GIPC2: variants seen among roughly 807,000 people sequenced by gnomAD.
GIPC2 encodes the protein GIPC PDZ domain containing family member 2, also known as PDZ domain-containing protein GIPC2.
Under a neutral mutation model 30.6 loss-of-function variants are expected in GIPC2, and 30 were observed. The ratio of observed to expected loss-of-function variants is 0.98; its 90% CI spans 0.73 to 1.33. The LOEUF is 1.33. Among genes scored for constraint, GIPC2 ranks in the 40% most tolerant of loss-of-function variants. The probability of loss-of-function intolerance (pLI) is 0.00; values close to 1 mark genes in which losing one functional copy is unlikely to be tolerated. For missense variants in GIPC2, 414 were observed against 390.3 expected (o/e 1.06, Z -0.51); for synonymous variants, 167 against 150.0 (o/e 1.11, Z -0.83).
chr1:78,064,627 G>A (rs1661467481), intron 1 of GIPC2, among the ~76,000 whole-genome samples: 1 of 151,804 alleles, frequency 6.6e-6, no homozygotes, highest in South Asian at 2.1e-4. Context: ...AAGACGTCCT[G>A]TTGGTTTTGT....
intron 1 of GIPC2, among the ~76,000 whole-genome samples, chr1:78,069,301 T>C (rs1172041511): frequency 6.6e-6 from 1 of 152,104 alleles, no homozygotes; most frequent in Non-Finnish European, 1.5e-5. Flanking sequence ...ACACTCCAGA[T>C]TGAGGGCTAA....
chr1:78,130,641 C>T (rs968304259), intron 5 of GIPC2, among the ~76,000 whole-genome samples: 2 of 152,116 alleles, frequency 1.3e-5, no homozygotes, highest in African/African-American at 4.8e-5. Context: ...TATGATTAAA[C>T]TAGCAATAAT....
chr1:78,072,512 A>G (rs1374005635), intron 1 of GIPC2, among the ~76,000 whole-genome samples: 1 of 152,092 alleles, frequency 6.6e-6, no homozygotes, highest in Non-Finnish European at 1.5e-5. Flanking sequence ...GCTTAGGTAG[A>G]GCTGATCCTT....
intron 1 of GIPC2, among the ~76,000 whole-genome samples, chr1:78,055,021 ATGTC>A (rs1292864719): frequency 2.0e-5 from 3 of 152,180 alleles, no homozygotes; most frequent in Non-Finnish European, 4.4e-5. Context: ...ATGTATGTAT[ATGTC>A]TGTCTGGCTG....
chr1:78,083,340 A>G (rs78233331), intron 2 of GIPC2, among the ~76,000 whole-genome samples: 4,243 of 152,272 alleles, frequency 0.028, 156 homozygotes, highest in African/African-American at 0.097. Flanking sequence ...GGAAAATTAC[A>G]TAAGTGATGC....
intron 1 of GIPC2, among the ~76,000 whole-genome samples, chr1:78,061,819 G>A (rs1661399573): frequency 1.3e-5 from 2 of 152,166 alleles, no homozygotes; most frequent in Admixed American, 1.3e-4. Context: ...GTTTTGCCAT[G>A]TTGGCCAGGC....
At chr1:78,117,644 TACC>T (rs1021265075) in intron 3 of GIPC2, among the ~76,000 whole-genome samples, 6 of 152,182 alleles carry the variant, frequency 3.9e-5, no homozygotes, top group Non-Finnish European at 7.3e-5. Context: ...CATGGGCTGG[TACC>T]AGTCTGCGGC....
At chr1:78,061,266 C>T (rs1211993111) in intron 1 of GIPC2, among the ~76,000 whole-genome samples, 1 of 152,090 alleles carries the variant, frequency 6.6e-6, no homozygotes, top group Admixed American at 6.6e-5. Context: ...CACCTTTGGG[C>T]TAGTTGCTCA....
chr1:78,100,927 CA>C (rs111747897), intron 3 of GIPC2, among the ~76,000 whole-genome samples: 21 of 98,510 alleles, frequency 2.1e-4, no homozygotes, highest in Non-Finnish European at 2.7e-4. Flanking sequence ...GAGACCCTGT[CA>C]AAAAAAAAAA....
rs1195896392 is a variant in GIPC2, at chr1:78,136,816, A to G, written c.*1073A>G. 1 of 152,056 alleles carries G rather than the reference A, an allele frequency of 6.6e-6. No homozygotes were observed. The highest frequency in any genetic ancestry group is 1.9e-4 in the East Asian group (1 of 5,198). 9.4% of individuals were successfully genotyped at this position (152,056 alleles called of 1,614,324 possible). ...AGTAAATGACTGTCTTATCACTCTTATTTGACATTTCGTAGGTGTAAGAGA... is the reference window on the plus strand; with the variant it reads ...AGTAAATGACTGTCTTATCACTCTTGTTTGACATTTCGTAGGTGTAAGAGA... On this transcript the variant is annotated 3_prime_UTR_variant, in exon 6 of 6. Coordinates refer to ENST00000370759, the MANE Select transcript of GIPC2 (RefSeq NM_017655.6).
chr1:78,059,531 T>A (rs1661354380), intron 1 of GIPC2, among the ~76,000 whole-genome samples: 1 of 152,144 alleles, frequency 6.6e-6, no homozygotes, highest in South Asian at 2.1e-4. Context: ...TCACTTGAGT[T>A]CAGGGATTCA....
At chr1:78,079,411 C>T (rs925612247) in intron 1 of GIPC2, among the ~76,000 whole-genome samples, 1 of 152,112 alleles carries the variant, frequency 6.6e-6, no homozygotes, top group Non-Finnish European at 1.5e-5. Flanking sequence ...CCTAAAAAGC[C>T]ATTCAGTAAG....
intron 1 of GIPC2, among the ~76,000 whole-genome samples, chr1:78,072,038 G>A (rs1014089189): frequency 6.6e-6 from 1 of 152,134 alleles, no homozygotes; most frequent in South Asian, 2.1e-4. Flanking sequence ...GACAACCAGG[G>A]TTGGAGTTCC....
At chr1:78,090,290 G>A (rs1662014357) in intron 2 of GIPC2, among the ~76,000 whole-genome samples, 2 of 152,290 alleles carry the variant, frequency 1.3e-5, no homozygotes, top group African/African-American at 4.8e-5. Context: ...TGCCTCCTGG[G>A]TTCAAGCGAT....
intron 5 of GIPC2, 113 bp downstream of exon 5, chr1:78,126,075 A>G (rs1020907590): frequency 1.0e-5 from 6 of 585,236 alleles, no homozygotes; most frequent in Non-Finnish European, 1.9e-5. Context: ...TTGTGGTATG[A>G]TGAAAAGAAT....
chr1:78,102,454 GTATC>G (rs1662266945), intron 3 of GIPC2, among the ~76,000 whole-genome samples: 1 of 152,098 alleles, frequency 6.6e-6, no homozygotes. Flanking sequence ...TATTCATGCT[GTATC>G]TAGGGAAAAA....
rs1661814684 is a variant in GIPC2, at chr1:78,080,875, A to G, written c.426+15A>G. The G allele has an allele frequency of 1.3e-6, 2 of 1,483,582 alleles. No homozygotes were observed. The highest frequency in any genetic ancestry group is 1.8e-6 in the Non-Finnish European group (2 of 1,082,604). 91.9% of individuals were successfully genotyped at this position (1,483,582 alleles called of 1,614,324 possible). A position where few individuals can be genotyped will look rare whatever the true frequency, so the allele number is the denominator to read the frequency against. On this transcript the variant is annotated intron_variant, in intron 2 of 5. Transcript: ENST00000370759. ...CTTTTATAAAGGTAAGTTTTAAAAA[A>G]TAACAGTGTAACCTAATTGAGGATA... is the stretch of plus-strand genomic sequence containing the variant.
Position 78,080,879 on chromosome 1 carries a change from C to T in GIPC2, c.426+19C>T. 1.4e-6 allele frequency: 2 copies of T among 1,428,742 alleles called. No homozygotes were observed. The highest frequency in any genetic ancestry group is 2.9e-5 in the African/African-American group (2 of 70,100). The allele number at this position is 1,428,742 out of a possible 1,614,324, so 88.5% of individuals were successfully genotyped here. ...TATAAAGGTAAGTTTTAAAAAATAACAGTGTAACCTAATTGAGGATAACAT... is the reference window on the plus strand; with the variant it reads ...TATAAAGGTAAGTTTTAAAAAATAATAGTGTAACCTAATTGAGGATAACAT... On this transcript the variant is annotated intron_variant, in intron 2 of 5. Transcript: ENST00000370759.
intron 3 of GIPC2, among the ~76,000 whole-genome samples, chr1:78,105,396 C>T (rs995841993): frequency 6.6e-6 from 1 of 151,770 alleles, no homozygotes; most frequent in African/African-American, 2.4e-5. Flanking sequence ...AAGCCATTCT[C>T]CTGCCTCAGC....
Sources: gnomAD v4.1 joint callset for allele counts (sites outside exome capture counted in the v4.1 genomes callset) on GRCh38, gnomAD v4.1.1 for gene constraint, MANE v1.5 for transcripts, NCBI Gene and HGNC (gene_info 2026-07-23, HGNC 2026-07-21) for gene names.